ACTR1A: variants seen among roughly 807,000 people sequenced by gnomAD.
ACTR1A encodes the protein alpha-centractin.
ACTR1A carries 10 observed loss-of-function variants against 50.7 expected under a neutral mutation model. The observed-to-expected ratio is 0.20, with a 90% CI of 0.12 to 0.33. The LOEUF is 0.33. Ranked by LOEUF, ACTR1A falls within the 10% of genes least tolerant of loss-of-function variation. The pLI is 1.00. For missense variants in ACTR1A, 253 were observed against 491.7 expected (o/e 0.51, Z 4.59); for synonymous variants, 177 against 184.2 (o/e 0.96, Z 0.32).
intron 1 of ACTR1A, among the ~76,000 whole-genome samples, chr10:102,500,578 A>C (rs2062244922): frequency 7.6e-6 from 1 of 131,562 alleles, no homozygotes. Context: ...AAAACAAACA[A>C]ACAAACAAAC....
At chr10:102,499,105 T>A (rs745771343) in intron 1 of ACTR1A, among the ~76,000 whole-genome samples, 16 of 152,144 alleles carry the variant, frequency 1.1e-4, no homozygotes, top group Non-Finnish European at 1.8e-4. Flanking sequence ...GTGAACTTAA[T>A]GGGGCTCTTT....
intron 1 of ACTR1A, among the ~76,000 whole-genome samples, chr10:102,502,088 CCCA>C (rs1361255151): frequency 6.6e-6 from 1 of 152,226 alleles, no homozygotes; most frequent in African/African-American, 2.4e-5. Flanking sequence ...GCCTCTAGGC[CCCA>C]CCACCCAGAG....
At chr10:102,484,582 G>C (rs1195576540) in intron 5 of ACTR1A, among the ~76,000 whole-genome samples, 1 of 152,118 alleles carries the variant, frequency 6.6e-6, no homozygotes, top group Non-Finnish European at 1.5e-5. Flanking sequence ...TCTTCTCCAA[G>C]TTCCCTCCCC....
rs1476860557 is a variant in ACTR1A, at chr10:102,479,714, G to T, written c.*1149C>A. On this transcript the variant is annotated 3_prime_UTR_variant, in exon 11 of 11. Coordinates refer to ENST00000369905, the MANE Select transcript of ACTR1A (RefSeq NM_005736.4). The surrounding 1 kb of genome is among the most constrained non-coding windows in gnomAD (Gnocchi z 4.0). The stretch of plus-strand genomic sequence containing the variant: ...CCTAGTCCCCTGGTCAGCTACAGTG[G>T]CAAAAGGCAACTTGGTAAATTGCAG... The T allele has an allele frequency of 5.4e-5, 69 of 1,278,142 alleles. 1 individual carries two copies. In the Admixed American group the frequency reaches 1.5e-3, roughly 28 times the overall value. 79.2% of individuals were successfully genotyped at this position (1,278,142 alleles called of 1,614,324 possible). A position where few individuals can be genotyped will look rare whatever the true frequency, so the allele number is the denominator to read the frequency against.
chr10:102,497,166 C>T (rs56312601), intron 1 of ACTR1A, among the ~76,000 whole-genome samples: 2 of 118,362 alleles, frequency 1.7e-5, no homozygotes, highest in Non-Finnish European at 3.3e-5. Flanking sequence ...CAGACTCCAT[C>T]TCAGGAAAAA....
intron 1 of ACTR1A, among the ~76,000 whole-genome samples, chr10:102,500,455 G>C (rs1441985459): frequency 6.6e-6 from 1 of 152,148 alleles, no homozygotes; most frequent in African/African-American, 2.4e-5. Flanking sequence ...TGTAGTCCCA[G>C]CTACTCGGGA....
intron 5 of ACTR1A, 125 bp downstream of exon 5, chr10:102,485,484 A>G: frequency 1.5e-6 from 2 of 1,321,086 alleles, no homozygotes; most frequent in Non-Finnish European, 1.0e-6. Flanking sequence ...CTTTCCCACC[A>G]TCTTTAACCT....
chr10:102,493,563 TATC>T (rs1248519046), intron 1 of ACTR1A, among the ~76,000 whole-genome samples: 1 of 152,222 alleles, frequency 6.6e-6, no homozygotes, highest in African/African-American at 2.4e-5. Context: ...CCAGTTCAAA[TATC>T]ATCACCTTCC....
chr10:102,495,321 G>C (rs1177834545), intron 1 of ACTR1A, among the ~76,000 whole-genome samples: 1 of 151,978 alleles, frequency 6.6e-6, no homozygotes, highest in East Asian at 1.9e-4. Flanking sequence ...TGTAATCCCA[G>C]CATTTTGCGA....
rs776032258 is a variant in ACTR1A at position 102,485,738 on chromosome 10, T to C, written c.316-5A>G. The C allele has an allele frequency of 6.2e-7, 1 of 1,613,864 alleles. No individual in the cohort carries two copies. Among genetic ancestry groups the C allele is most frequent in the South Asian group, 1.1e-5 (1 of 91,056 alleles). ...CTCAGTCAGGAGCACAGGATGCTGG[T>C]GAAAGGAGCCCGGGAGACAATGAGG... On this transcript the variant is annotated splice_polypyrimidine_tract_variant and splice_region_variant and intron_variant, in intron 4 of 10. Transcript: ENST00000369905.
At chr10:102,493,001 C>CAAAAAAAAAAAAAAAAAA (rs398014648) in intron 1 of ACTR1A, among the ~76,000 whole-genome samples, 545 of 48,910 alleles carry the variant, frequency 0.011, 90 homozygotes, top group Admixed American at 0.02. Context: ...GACTCCACCT[C>CAAAAAAAAAAAAAAAAAA]AAAAAAAAAA....
At chr10:102,494,628 C>T (rs181280426) in intron 1 of ACTR1A, among the ~76,000 whole-genome samples, 5 of 151,908 alleles carry the variant, frequency 3.3e-5, no homozygotes, top group Non-Finnish European at 7.4e-5. Flanking sequence ...AGATAAGACC[C>T]TGTCTCAAAA....
intron 6 of ACTR1A, chr10:102,483,710 G>C (rs1017994784): frequency 2.9e-5 from 5 of 171,762 alleles, no homozygotes; most frequent in Non-Finnish European, 6.4e-5. Flanking sequence ...GTGGTGGCAG[G>C]CACCTATAAT....
Position 102,482,000 on chromosome 10 carries a change from C to A in ACTR1A, c.925+1G>T. 6.2e-7 allele frequency: 1 copy of A among 1,614,152 alleles called. No homozygotes were observed. The highest frequency in any genetic ancestry group is 8.5e-7 in the Non-Finnish European group (1 of 1,180,028). ...GAAGGGCTCCAAGAGAAGAGACAAACCTTTGAACAGGGTAGAGCCTCCTGA... is the reference window on the plus strand; with the variant it reads ...GAAGGGCTCCAAGAGAAGAGACAAAACTTTGAACAGGGTAGAGCCTCCTGA... On this transcript the variant is annotated splice_donor_variant, in intron 8 of 10. Coordinates refer to ENST00000369905, the MANE Select transcript of ACTR1A (RefSeq NM_005736.4). LOFTEE classifies it high-confidence loss of function.
chr10:102,484,152 G>C lies in ACTR1A; in HGVS notation c.657+8C>G. ...ACTCCATCCCTAGGCCCAGGGGGCA[G>C]CACTTACTTCTTTTATGGCCTTGAC... On this transcript the variant is annotated splice_region_variant and intron_variant, in intron 6 of 10. Coordinates refer to ENST00000369905, the MANE Select transcript of ACTR1A (RefSeq NM_005736.4). 1 of 1,613,848 alleles carries C rather than the reference G, an allele frequency of 6.2e-7. No homozygotes were observed. The highest frequency in any genetic ancestry group is 1.1e-5 in the South Asian group (1 of 91,054).
intron 1 of ACTR1A, among the ~76,000 whole-genome samples, chr10:102,492,004 C>T (rs1373965422): frequency 2.1e-5 from 3 of 145,846 alleles, no homozygotes; most frequent in African/African-American, 5.1e-5. Flanking sequence ...CTCCTGACCT[C>T]GTGATCCGCC....
In ACTR1A at chr10:102,484,386, A is replaced by AT; in HGVS notation, c.441-11_441-10insA. On this transcript the variant is annotated splice_polypyrimidine_tract_variant and intron_variant, in intron 5 of 10. Transcript: ENST00000369905. ...CCTGCCTGTAGCGTAACTGAAGCAA[A>AT]GGGGCAAACCGTCACTCAGCACTGC... 6.2e-7 allele frequency: 1 copy of AT among 1,610,880 alleles called. No homozygotes were observed. Among genetic ancestry groups the AT allele is most frequent in the Non-Finnish European group, 8.5e-7 (1 of 1,177,236 alleles).
Position 102,479,333 on chromosome 10 carries a change from G to A in ACTR1A, c.*1530C>T. On this transcript the variant is annotated 3_prime_UTR_variant, in exon 11 of 11. Transcript: ENST00000369905. The surrounding 1 kb of genome is among the most constrained non-coding windows in gnomAD (Gnocchi z 4.0). ...GACAGGCTTGGGCTAAGAGAAGGGA[G>A]GTGAGTTGGTTAAGCGCACTGCAGT... 3 of 386,472 alleles carry A rather than the reference G, an allele frequency of 7.8e-6. No individual in the cohort carries two copies. The highest frequency in any genetic ancestry group is 7.4e-5 in the East Asian group (1 of 13,518). 23.9% of individuals were successfully genotyped at this position (386,472 alleles called of 1,614,324 possible).
chr10:102,490,454 T>C, intron 2 of ACTR1A, 95 bp downstream of exon 2: 3 of 896,086 alleles, frequency 3.3e-6, no homozygotes, highest in Non-Finnish European at 5.0e-6. Flanking sequence ...CTGTTTTCCT[T>C]TGTTGACTCC....
Sources: gnomAD v4.1 joint callset for allele counts (sites outside exome capture counted in the v4.1 genomes callset) on GRCh38, gnomAD v4.1.1 for gene constraint, Gnocchi (gnomAD v3.1) non-coding constraint, MANE v1.5 for transcripts, NCBI Gene and HGNC (gene_info 2026-07-23, HGNC 2026-07-21) for gene names.